The following EYA1 variants were observed in gnomAD, a reference collection of about 807,000 sequenced individuals.
The protein encoded by EYA1 is protein phosphatase EYA1.
In EYA1, 16 loss-of-function variants were observed where a neutral mutation model predicts 82.0. The observed-to-expected ratio is 0.20, with a 90% CI of 0.13 to 0.30. The LOEUF (loss-of-function observed/expected upper bound fraction) is 0.30. Among genes scored for constraint, EYA1 ranks in the 10% least tolerant of loss-of-function variants. The pLI is 1.00. For synonymous variants in EYA1, 261 were observed against 264.4 expected, an observed-to-expected ratio of 0.99 and a Z score of 0.12; for missense variants, 633 against 730.7, an observed-to-expected ratio of 0.87 and a Z score of 1.54.
chr8:71,380,085 G>T (rs1828609753), intron 2 of EYA1, among the ~76,000 whole-genome samples: 2 of 152,142 alleles, frequency 1.3e-5, no homozygotes, highest in African/African-American at 4.8e-5. Flanking sequence ...CATCCCTCAG[G>T]ATCAGTCCAG....
At chr8:71,437,443 C>G (rs1394517188) in intron 2 of EYA1, among the ~76,000 whole-genome samples, 3 of 151,922 alleles carry the variant, frequency 2.0e-5, no homozygotes, top group Non-Finnish European at 4.4e-5. Flanking sequence ...TTTTGTCCAT[C>G]TCTAAAATGT....
intron 2 of EYA1, among the ~76,000 whole-genome samples, chr8:71,445,128 G>T (rs147601847): frequency 2.7e-4 from 41 of 152,210 alleles, no homozygotes; most frequent in African/African-American, 9.9e-4. Context: ...GTGTGTATGT[G>T]TGCTTTGAGA....
intron 2 of EYA1, among the ~76,000 whole-genome samples, chr8:71,515,769 T>A (rs1812929228): frequency 6.6e-6 from 1 of 152,098 alleles, no homozygotes; most frequent in Non-Finnish European, 1.5e-5. Context: ...ATAGCCCCTA[T>A]CAAAACTATA....
chr8:71,330,033 A>G lies in EYA1; in HGVS notation c.202+4064T>C, dbSNP rs1823639407. On this transcript the variant is annotated intron_variant, in intron 4 of 17. Transcript: ENST00000340726. ...AGGGAAAGGACTGCCAGCAAAAAAC[A>G]CACTGTGTGGGGAGCATGTCTACCA... Among the ~76,000 whole-genome samples, 6 of 152,288 alleles carry G rather than the reference A, an allele frequency of 3.9e-5. No individual in the cohort carries two copies. The South Asian group carries it at 1.2e-3, about 32-fold the overall frequency.
In EYA1 at chr8:71,254,449, T is replaced by C. The variant is rs73288339; in HGVS notation, c.1051-9757A>G. Among the ~76,000 whole-genome samples the C allele has an allele frequency of 7.0e-3, 1,067 of 152,078 alleles. 21 individuals carry two copies. The highest frequency in any genetic ancestry group is 0.024 in the African/African-American group (1,002 of 41,490). ...CTTCAACAGAAATACACAAGGTTTA[T>C]AAAAAGGGATTGAGTGAGAATCTAT... On this transcript the variant is annotated intron_variant, in intron 11 of 17. Transcript: ENST00000340726.
At chr8:71,508,561 G>A (rs1288759627) in intron 2 of EYA1, among the ~76,000 whole-genome samples, 5 of 152,188 alleles carry the variant, frequency 3.3e-5, no homozygotes, top group Non-Finnish European at 7.3e-5. Context: ...TTTGGGAAAT[G>A]ATTCTGTCAT....
At chr8:71,326,584 C>T (rs1045883773) in intron 4 of EYA1, among the ~76,000 whole-genome samples, 10 of 152,170 alleles carry the variant, frequency 6.6e-5, no homozygotes, top group Non-Finnish European at 1.3e-4. Context: ...GGGCTTAACC[C>T]GACCAGTGAC....
intron 17 of EYA1, 103 bp downstream of exon 17, chr8:71,211,050 TTCA>T: frequency 1.3e-6 from 1 of 782,056 alleles, no homozygotes; most frequent in Non-Finnish European, 2.3e-6. Flanking sequence ...ACTGCACATA[TTCA>T]TCACGTTTCA....
chr8:71,480,261 T>G (rs2129211046), intron 2 of EYA1, among the ~76,000 whole-genome samples: 1 of 152,314 alleles, frequency 6.6e-6, no homozygotes, highest in Admixed American at 6.5e-5. Context: ...AGAAAAGACT[T>G]CATTATTAAA....
At chr8:71,516,320 G>A (rs934816510) in intron 2 of EYA1, among the ~76,000 whole-genome samples, 3 of 152,170 alleles carry the variant, frequency 2.0e-5, no homozygotes, top group African/African-American at 7.2e-5. Flanking sequence ...TGAAATATGT[G>A]TAAATGGCTA....
At chr8:71,310,002 G>C (rs966743786) in intron 7 of EYA1, among the ~76,000 whole-genome samples, 1 of 152,168 alleles carries the variant, frequency 6.6e-6, no homozygotes, top group African/African-American at 2.4e-5. Flanking sequence ...GGCCCTCTGA[G>C]TTTAGTACAT....
intron 2 of EYA1, among the ~76,000 whole-genome samples, chr8:71,417,123 G>T (rs528458846): frequency 1.1e-4 from 17 of 152,144 alleles, no homozygotes; most frequent in Non-Finnish European, 2.1e-4. Flanking sequence ...AGATTCTTCA[G>T]CTTTGGGACT....
At chr8:71,313,461 T>C (rs1821576156) in intron 7 of EYA1, among the ~76,000 whole-genome samples, 2 of 152,182 alleles carry the variant, frequency 1.3e-5, no homozygotes, top group African/African-American at 4.8e-5. Context: ...TCCAGAAAGC[T>C]GGACCATAAT....
At chr8:71,490,874 T>G (rs949576682) in intron 2 of EYA1, among the ~76,000 whole-genome samples, 1 of 152,210 alleles carries the variant, frequency 6.6e-6, no homozygotes. Flanking sequence ...AAAGCAGCAC[T>G]GACCATGAAA....
chr8:71,478,995 T>C (rs1230505173), intron 2 of EYA1, among the ~76,000 whole-genome samples: 3 of 152,280 alleles, frequency 2.0e-5, no homozygotes, highest in Admixed American at 1.3e-4. Context: ...AATGACATGC[T>C]CCTCTGCTTA....
chr8:71,522,991 A>C (rs1226434692), intron 2 of EYA1, among the ~76,000 whole-genome samples: 1 of 152,158 alleles, frequency 6.6e-6, no homozygotes, highest in Admixed American at 6.5e-5. Context: ...TTGTAGCAAA[A>C]TACACTTATG....
chr8:71,314,665 G>A (rs867399362), intron 7 of EYA1, among the ~76,000 whole-genome samples: 1 of 151,994 alleles, frequency 6.6e-6, no homozygotes, highest in Non-Finnish European at 1.5e-5. Context: ...AATCATTTTG[G>A]ATTTCAGATT....
intron 2 of EYA1, among the ~76,000 whole-genome samples, chr8:71,458,988 C>T (rs532914096): frequency 3.9e-5 from 6 of 151,934 alleles, no homozygotes; most frequent in Non-Finnish European, 5.9e-5. Context: ...ATTACAGTGG[C>T]GGCTCATGGT....
At chr8:71,463,109 A>G (rs950925984) in intron 2 of EYA1, among the ~76,000 whole-genome samples, 1 of 152,230 alleles carries the variant, frequency 6.6e-6, no homozygotes, top group African/African-American at 2.4e-5. Context: ...TGTGTTTGCA[A>G]TAGTCTTCAA....
Sources: allele counts gnomAD v4.1 joint callset (sites outside exome capture counted in the v4.1 genomes callset), GRCh38; gene constraint gnomAD v4.1.1; transcripts MANE v1.5; gene names NCBI Gene and HGNC (gene_info 2026-07-23, HGNC 2026-07-21).